FAM178B: variants seen among roughly 807,000 people sequenced by gnomAD.
FAM178B encodes protein FAM178B.
Under a neutral mutation model 91.7 loss-of-function variants are expected in FAM178B, and 82 were observed. The ratio of observed to expected loss-of-function variants is 0.89; its 90% CI spans 0.75 to 1.07. The LOEUF (loss-of-function observed/expected upper bound fraction) is 1.07. Ranked by LOEUF, FAM178B falls within the 50% of genes least tolerant of loss-of-function variation. The pLI, the probability that FAM178B is intolerant of heterozygous loss-of-function variation, is 0.00. For missense variants in FAM178B, 769 were observed against 846.7 expected (o/e 0.91, Z 1.14); for synonymous variants, 368 against 359.4 (o/e 1.02, Z -0.27).
chr2:96,955,615 G>A (rs969294317), intron 6 of FAM178B, among the ~76,000 whole-genome samples: 3 of 152,240 alleles, frequency 2.0e-5, no homozygotes, highest in African/African-American at 4.8e-5. Flanking sequence ...GGGAGGCAGA[G>A]GTTGCAGTGA....
chr2:96,927,418 G>A (rs879805621), intron 9 of FAM178B, among the ~76,000 whole-genome samples: 4 of 152,120 alleles, frequency 2.6e-5, no homozygotes, highest in African/African-American at 4.8e-5. Flanking sequence ...TGGTGTCAAC[G>A]CCAGGCCAAG....
chr2:96,947,164 A>C (rs1224885806), intron 8 of FAM178B, among the ~76,000 whole-genome samples: 2 of 152,204 alleles, frequency 1.3e-5, no homozygotes, highest in East Asian at 3.8e-4. Context: ...AGGTTCAGGT[A>C]CCAAATGATG....
rs150499439 is a variant in FAM178B, at chr2:96,903,281, C to T, written c.1563-574G>A. Among the ~76,000 whole-genome samples, 1,002 of 152,280 alleles carry T rather than the reference C, an allele frequency of 6.6e-3. 9 individuals carry two copies. The highest frequency in any genetic ancestry group is 0.022 in the African/African-American group (934 of 41,558). On this transcript the variant is annotated intron_variant, in intron 12 of 16. Coordinates refer to ENST00000490605, the MANE Select transcript of FAM178B (RefSeq NM_001122646.3). The stretch of plus-strand genomic sequence containing the variant: ...GTCTCGATCTCCTGACCTCGTGATC[C>T]GCTCGCTTCAGCCTCCCAAAGTGCT...
intron 8 of FAM178B, among the ~76,000 whole-genome samples, chr2:96,943,625 A>C (rs2081770848): frequency 6.6e-6 from 1 of 152,222 alleles, no homozygotes; most frequent in South Asian, 2.1e-4. Context: ...TGTATCTTTA[A>C]AACAACCAAC....
chr2:96,878,095 C>A (rs912429259), intron 15 of FAM178B, 53 bp from the exon 16 acceptor site: 1 of 1,587,524 alleles, frequency 6.3e-7, no homozygotes, highest in Admixed American at 1.7e-5. Context: ...CCAGGCACAT[C>A]CAAAGCCGGG....
At chr2:96,932,062 G>A (rs912304497) in intron 8 of FAM178B, among the ~76,000 whole-genome samples, 1 of 152,190 alleles carries the variant, frequency 6.6e-6, no homozygotes, top group Non-Finnish European at 1.5e-5. Flanking sequence ...AACTTTCCAG[G>A]GAGGGGAAGA....
intron 1 of FAM178B, among the ~76,000 whole-genome samples, chr2:96,972,998 G>A (rs2082243984): frequency 6.6e-6 from 1 of 151,878 alleles, no homozygotes; most frequent in Non-Finnish European, 1.5e-5. Context: ...GAGGTCAGGA[G>A]GTCAAGCCCA....
chr2:96,973,787 G>A (rs1479156294), intron 1 of FAM178B, among the ~76,000 whole-genome samples: 2 of 151,370 alleles, frequency 1.3e-5, no homozygotes, highest in African/African-American at 2.4e-5. Context: ...GGTCATCTGA[G>A]GTCAGAGTTC....
chr2:96,882,413 G>A (rs2080408546), intron 14 of FAM178B, among the ~76,000 whole-genome samples: 1 of 152,238 alleles, frequency 6.6e-6, no homozygotes, highest in Non-Finnish European at 1.5e-5. Flanking sequence ...GCACGGGAGT[G>A]GTGCAGGGCA....
intron 14 of FAM178B, among the ~76,000 whole-genome samples, chr2:96,879,635 G>C (rs752276596): frequency 6.6e-6 from 1 of 152,260 alleles, no homozygotes; most frequent in Non-Finnish European, 1.5e-5. Context: ...CCCTGCCTGG[G>C]ACGCAGCCTG....
intron 4 of FAM178B, 148 bp downstream of exon 4, chr2:96,970,568 A>G: frequency 1.8e-6 from 1 of 552,754 alleles, no homozygotes; most frequent in South Asian, 2.9e-5. Flanking sequence ...TGCCCTGGCG[A>G]CCTGCCTGTT....
chr2:96,921,735 A>C, intron 10 of FAM178B, 81 bp from the exon 11 acceptor site: 1 of 1,397,924 alleles, frequency 7.2e-7, no homozygotes. Context: ...CCTGGGAGAC[A>C]CTTAGGCAGA....
Position 96,935,058 on chromosome 2 carries a change from C to T in FAM178B, c.1079-5738G>A, listed in dbSNP as rs78870203. 3.7e-3 allele frequency among the ~76,000 whole-genome samples: 557 copies of T among 152,294 alleles called. 4 individuals carry two copies. Among genetic ancestry groups the T allele is most frequent in the African/African-American group, 0.012 (506 of 41,536 alleles). On this transcript the variant is annotated intron_variant, in intron 8 of 16. Transcript: ENST00000490605. ...GTGTCACCTAATACCAGCAAGCACT[C>T]GAGGCCCCCGGTATGCGTGACAGAG...
chr2:96,921,632 G>A lies in FAM178B; in HGVS notation c.1310C>T (p.Ala437Val). The change falls in exon 11 of 17, where the codon GCC (alanine) becomes GTC (valine). Residue 437 changes from alanine to valine, a missense_variant. Coordinates refer to ENST00000490605, the MANE Select transcript of FAM178B (RefSeq NM_001122646.3). Reference sequence around the variant, plus strand: ...CTCATCAGTGTAGGCCCCCGGCTGGGCCTGGGCACACAGCGCCAGAAACTG... The same window carrying A: ...CTCATCAGTGTAGGCCCCCGGCTGGACCTGGGCACACAGCGCCAGAAACTG... ...IYKFLALCAQ[A>V]QPGAYTDENL... The A allele has an allele frequency of 6.4e-7, 1 of 1,551,530 alleles. No homozygotes were observed. Among genetic ancestry groups the A allele is most frequent in the Non-Finnish European group, 8.7e-7 (1 of 1,146,994 alleles).
chr2:96,910,156 A>G (rs1356888805), intron 12 of FAM178B, among the ~76,000 whole-genome samples: 1 of 152,196 alleles, frequency 6.6e-6, no homozygotes, highest in African/African-American at 2.4e-5. Flanking sequence ...CCTAGAAAGC[A>G]GTGTTTCCTT....
chr2:96,923,333 A>C (rs556099901), intron 10 of FAM178B, among the ~76,000 whole-genome samples, 157 bp downstream of exon 10: 1 of 152,332 alleles, frequency 6.6e-6, no homozygotes, highest in Admixed American at 6.5e-5. Context: ...GTGTCCGATA[A>C]CACAGTTTCT....
At chr2:96,920,276 G>C (rs1039414528) in intron 12 of FAM178B, among the ~76,000 whole-genome samples, 1 of 152,172 alleles carries the variant, frequency 6.6e-6, no homozygotes, top group Non-Finnish European at 1.5e-5. Context: ...CTCCTCCTGG[G>C]CTGAGTTTGT....
chr2:96,972,091 G>A lies in FAM178B; in HGVS notation c.374C>T (p.Ala125Val). 2.6e-6 allele frequency: 4 copies of A among 1,530,472 alleles called. No homozygotes were observed. The highest frequency in any genetic ancestry group is 3.5e-6 in the Non-Finnish European group (4 of 1,136,904). 94.8% of individuals were successfully genotyped at this position (1,530,472 alleles called of 1,614,324 possible). ...VEFLNPRVLQ[A>V]SREAPAQRWV... Reference sequence around the variant, plus strand: ...CCTCTGGGCCGGGGCCTCCCGACTGGCCTGCAGCACCCTCGGGTTGAGGAA... The same window carrying A: ...CCTCTGGGCCGGGGCCTCCCGACTGACCTGCAGCACCCTCGGGTTGAGGAA... Residue 125 changes from alanine (A) to valine (V), a missense_variant, in exon 3 of 17, where the codon GCC becomes GTC. Transcript: ENST00000490605.
intron 5 of FAM178B, among the ~76,000 whole-genome samples, chr2:96,961,128 G>A (rs2082075024): frequency 6.6e-6 from 1 of 152,190 alleles, no homozygotes; most frequent in Admixed American, 6.5e-5. Context: ...AAGGGACGAG[G>A]AGAAGGGATA....
Sources: allele counts gnomAD v4.1 joint callset (sites outside exome capture counted in the v4.1 genomes callset), GRCh38; gene constraint gnomAD v4.1.1; transcripts MANE v1.5; gene names NCBI Gene and HGNC (gene_info 2026-07-23, HGNC 2026-07-21).